ATG14: variants seen among roughly 807,000 people sequenced by gnomAD.
ATG14 encodes the protein beclin 1-associated autophagy-related key regulator.
ATG14 carries 35 observed loss-of-function variants against 60.4 expected under a neutral mutation model. The observed-to-expected ratio is 0.58, with a 90% CI of 0.44 to 0.77. The LOEUF (loss-of-function observed/expected upper bound fraction) is 0.77. Ranked by LOEUF, ATG14 falls within the 30% of genes least tolerant of loss-of-function variation. ATG14 has a pLI of 0.00. For synonymous variants in ATG14, 234 were observed against 228.8 expected (o/e 1.02, Z -0.21); for missense variants, 647 against 626.3 (o/e 1.03, Z -0.35).
chr14:55,373,245 T>G (rs1884856604), intron 9 of ATG14, among the ~76,000 whole-genome samples: 1 of 152,216 alleles, frequency 6.6e-6, no homozygotes, highest in East Asian at 1.9e-4. Context: ...CCAGGAATAC[T>G]CATTTTCTCA....
chr14:55,370,640 C>A (rs994635173), intron 9 of ATG14, among the ~76,000 whole-genome samples: 2 of 151,838 alleles, frequency 1.3e-5, no homozygotes, highest in African/African-American at 4.8e-5. Flanking sequence ...AGCCTTTCTG[C>A]ATTTCTTTTT....
intron 9 of ATG14, among the ~76,000 whole-genome samples, chr14:55,370,570 T>C (rs80197603): frequency 7.7e-4 from 117 of 152,294 alleles, no homozygotes; most frequent in African/African-American, 2.7e-3. Flanking sequence ...TAACCCTTTC[T>C]TAGGCCTCAT....
intron 4 of ATG14, among the ~76,000 whole-genome samples, chr14:55,387,109 C>T (rs1278581777): frequency 1.3e-5 from 2 of 152,074 alleles, no homozygotes; most frequent in African/African-American, 2.4e-5. Context: ...GGCTCGACTC[C>T]ACGCCTTCAT....
At chr14:55,406,677 T>C (rs961357235) in intron 1 of ATG14, among the ~76,000 whole-genome samples, 5 of 152,208 alleles carry the variant, frequency 3.3e-5, no homozygotes, top group African/African-American at 1.2e-4. Flanking sequence ...TCTTTCACCT[T>C]ATTAGATACT....
chr14:55,376,803 T>C (rs994621359), intron 9 of ATG14, among the ~76,000 whole-genome samples: 1 of 152,152 alleles, frequency 6.6e-6, no homozygotes, highest in Non-Finnish European at 1.5e-5. Context: ...CAGAAATGTA[T>C]GGACAGACTG....
chr14:55,408,039 C>T (rs1462572216), intron 1 of ATG14, among the ~76,000 whole-genome samples: 1 of 152,098 alleles, frequency 6.6e-6, no homozygotes, highest in Non-Finnish European at 1.5e-5. Context: ...TATTTGAGTG[C>T]GTAATACATT....
chr14:55,391,151 G>A (rs555352503), intron 3 of ATG14, 159 bp from the exon 4 acceptor site: 133 of 550,136 alleles, frequency 2.4e-4, no homozygotes, highest in Non-Finnish European at 3.9e-4. Context: ...TTACGAAAAA[G>A]AGAACGATGT....
chr14:55,382,324 T>A (rs1885050554), intron 5 of ATG14, 133 bp from the exon 6 acceptor site: 1 of 716,540 alleles, frequency 1.4e-6, no homozygotes, highest in Non-Finnish European at 2.3e-6. Flanking sequence ...TTTTTATTTT[T>A]TATTTTAGAG....
chr14:55,411,295 T>C (rs1885567051), intron 1 of ATG14, among the ~76,000 whole-genome samples: 1 of 152,258 alleles, frequency 6.6e-6, no homozygotes, highest in African/African-American at 2.4e-5. Context: ...TCTAACTTAA[T>C]GGCAGCAACG....
chr14:55,385,348 A>G (rs963363807), intron 5 of ATG14, among the ~76,000 whole-genome samples: 1 of 152,082 alleles, frequency 6.6e-6, no homozygotes, highest in Non-Finnish European at 1.5e-5. Context: ...GCTGGAGTGC[A>G]GTGACACAAT....
At chr14:55,376,853 G>A (rs1012825907) in intron 9 of ATG14, among the ~76,000 whole-genome samples, 2 of 152,172 alleles carry the variant, frequency 1.3e-5, no homozygotes, top group South Asian at 2.1e-4. Flanking sequence ...CAGCACAGGC[G>A]TGCATGGATG....
chr14:55,381,578 G>C lies in ATG14; in HGVS notation c.877+384C>G, dbSNP rs532383026. Among the ~76,000 whole-genome samples the C allele has an allele frequency of 2.0e-5, 3 of 152,302 alleles. No homozygotes were observed. The East Asian group carries it at 5.8e-4, about 29-fold the overall frequency. On this transcript the variant is annotated intron_variant, in intron 6 of 9. Coordinates refer to ENST00000247178, the MANE Select transcript of ATG14 (RefSeq NM_014924.5). ...ATATTACTCAACCATAAAAACGAAT[G>C]AAACACTAATATATACTATCATGTG...
chr14:55,381,830 T>C (rs1416558654), intron 6 of ATG14, 132 bp downstream of exon 6: 2 of 698,868 alleles, frequency 2.9e-6, no homozygotes, highest in East Asian at 2.7e-5. Flanking sequence ...GACATGGAGG[T>C]GATGGGAGCA....
intron 4 of ATG14, among the ~76,000 whole-genome samples, chr14:55,390,698 C>T (rs999636815): frequency 1.3e-5 from 2 of 152,194 alleles, no homozygotes; most frequent in African/African-American, 4.8e-5. Flanking sequence ...AGAAAAGAAT[C>T]TGGTTATTTA....
At chr14:55,379,744 C>T (rs28590648) in intron 7 of ATG14, among the ~76,000 whole-genome samples, 2,103 of 152,164 alleles carry the variant, frequency 0.014, 67 homozygotes, top group African/African-American at 0.049. Flanking sequence ...ATTTTTGAGA[C>T]GAAGTCTCAT....
At chr14:55,382,641 A>G (rs1027751689) in intron 5 of ATG14, among the ~76,000 whole-genome samples, 6 of 152,220 alleles carry the variant, frequency 3.9e-5, no homozygotes, top group Admixed American at 1.3e-4. Context: ...GTGAGCCACC[A>G]TGCCTGGCCA....
intron 9 of ATG14, among the ~76,000 whole-genome samples, chr14:55,371,672 C>T (rs1166227310): frequency 1.3e-5 from 2 of 152,088 alleles, no homozygotes; most frequent in African/African-American, 2.4e-5. Flanking sequence ...GGTGTGATGG[C>T]GGGCACCTGT....
At chr14:55,380,998 G>A (rs1274886268) in intron 6 of ATG14, among the ~76,000 whole-genome samples, 2 of 150,590 alleles carry the variant, frequency 1.3e-5, no homozygotes, top group Non-Finnish European at 2.9e-5. Flanking sequence ...AACAATAAAT[G>A]CCCAACTTGA....
intron 2 of ATG14, 129 bp from the exon 3 acceptor site, chr14:55,396,111 ATTTAAAGTGTTT>A: frequency 1.6e-6 from 1 of 614,220 alleles, no homozygotes; most frequent in Non-Finnish European, 2.6e-6. Flanking sequence ...GGGACTTAGC[ATTTAAAGTGTTT>A]TCCAAATTCC....
Sources: allele counts gnomAD v4.1 joint callset (sites outside exome capture counted in the v4.1 genomes callset), GRCh38; gene constraint gnomAD v4.1.1; transcripts MANE v1.5; gene names NCBI Gene and HGNC (gene_info 2026-07-23, HGNC 2026-07-21).